ABCB5: variants seen among roughly 807,000 people sequenced by gnomAD.
The protein encoded by ABCB5 is ATP-binding cassette sub-family B member 5.
In ABCB5, 155 loss-of-function variants were observed where a neutral mutation model predicts 144.2. That is an observed-to-expected ratio of 1.08 (90% CI 0.94 to 1.23). The LOEUF is 1.23. Among genes scored for constraint, ABCB5 ranks in the 50% most tolerant of loss-of-function variants. The probability of loss-of-function intolerance (pLI) is 0.00; values close to 1 mark genes in which losing one functional copy is unlikely to be tolerated. For missense variants in ABCB5, 1,830 were observed against 1,520.8 expected (o/e 1.20, Z -3.38); for synonymous variants, 610 against 528.6 (o/e 1.15, Z -2.11).
At chr7:20,720,374 A>T (rs1468887747) in intron 20 of ABCB5, among the ~76,000 whole-genome samples, 2 of 152,246 alleles carry the variant, frequency 1.3e-5, no homozygotes, top group Non-Finnish European at 2.9e-5. Context: ...GCTTCAAGAC[A>T]TTTATTAATT....
chr7:20,706,025 G>A (rs937223730), intron 20 of ABCB5, among the ~76,000 whole-genome samples: 12 of 152,030 alleles, frequency 7.9e-5, no homozygotes, highest in Admixed American at 7.9e-4. Flanking sequence ...TGAAGGCAAG[G>A]TTCTAGAATT....
rs1005709897 is a variant in ABCB5, at chr7:20,628,687, G to A, written c.109-1G>A. 3.1e-6 allele frequency: 5 copies of A among 1,611,670 alleles called. No homozygotes were observed. The highest frequency in any genetic ancestry group is 4.2e-6 in the Non-Finnish European group (5 of 1,178,874). On this transcript the variant is annotated splice_acceptor_variant, in intron 3 of 27. Transcript: ENST00000404938. LOFTEE classifies it high-confidence loss of function. ...GTGCTACCGTGCTTTGTTTTCCTCA[G>A]TTCCGCTTTGCTGATGGACTGGACA...
chr7:20,687,585 T>C (rs1239284448), intron 16 of ABCB5, among the ~76,000 whole-genome samples: 1 of 152,140 alleles, frequency 6.6e-6, no homozygotes, highest in Admixed American at 6.5e-5. Flanking sequence ...TCCGTGAGCC[T>C]GGGGAAGCAG....
chr7:20,644,673 A>C (rs6957205), intron 7 of ABCB5, among the ~76,000 whole-genome samples: 46,982 of 152,158 alleles, frequency 0.31, 8,669 homozygotes, highest in African/African-American at 0.52. Context: ...TCTTCTAGAT[A>C]GGAGGCACAG....
intron 24 of ABCB5, among the ~76,000 whole-genome samples, chr7:20,740,931 G>A (rs867663992): frequency 3.0e-4 from 46 of 151,732 alleles, no homozygotes; most frequent in African/African-American, 1.1e-3. Context: ...ACATGGCAAA[G>A]CCCCATCGCT....
At chr7:20,679,061 A>G (rs1785700858) in intron 14 of ABCB5, among the ~76,000 whole-genome samples, 2 of 152,226 alleles carry the variant, frequency 1.3e-5, no homozygotes, top group African/African-American at 4.8e-5. Context: ...GTGACCTTGG[A>G]GTAAAGATTT....
intron 26 of ABCB5, among the ~76,000 whole-genome samples, chr7:20,746,106 C>CTT (rs112735410): frequency 8.2e-5 from 12 of 146,056 alleles, no homozygotes; most frequent in African/African-American, 3.0e-4. Flanking sequence ...CCTTAACTTT[C>CTT]TTTTTTTTTT....
At chr7:20,720,943 CAA>C (rs71020677) in intron 20 of ABCB5, among the ~76,000 whole-genome samples, 8,111 of 70,552 alleles carry the variant, frequency 0.11, 191 homozygotes, top group African/African-American at 0.24. Context: ...AACTCTGCCT[CAA>C]AAAAAAAAAA....
chr7:20,717,664 C>T (rs1249027540), intron 20 of ABCB5, among the ~76,000 whole-genome samples: 1 of 151,756 alleles, frequency 6.6e-6, no homozygotes, highest in African/African-American at 2.4e-5. Context: ...GTCTCAGACT[C>T]CTGACCTCAT....
rs536932163 is a variant in ABCB5 at position 20,708,385 on chromosome 7, TC to T, written c.2421+3581del. Among the ~76,000 whole-genome samples, 763 of 152,224 alleles carry T rather than the reference TC, an allele frequency of 5.0e-3. 4 individuals carry two copies. Among genetic ancestry groups the T allele is most frequent in the Non-Finnish European group, 6.9e-3 (472 of 67,998 alleles). On this transcript the variant is annotated intron_variant, in intron 20 of 27. Coordinates refer to ENST00000404938, the MANE Select transcript of ABCB5 (RefSeq NM_001163941.2). ...AAGGTGCAGTGGCTCACATCAGTAA[TC>T]CCAGTAATTCAGGAGGCCAAGGCAG...
At position 20,620,883 on chromosome 7, in the gene ABCB5, A is replaced by T. The variant is rs1583372237; in HGVS notation, c.-21-2382A>T. On this transcript the variant is annotated intron_variant, in intron 1 of 27. Coordinates refer to ENST00000404938, the MANE Select transcript of ABCB5 (RefSeq NM_001163941.2). The stretch of plus-strand genomic sequence containing the variant: ...ACTAACCGCTTGATCCAGCAATTCT[A>T]CATCTAAGTATATACCCAAAAGAAC... Among the ~76,000 whole-genome samples, 3 of 152,252 alleles carry T rather than the reference A, an allele frequency of 2.0e-5. No homozygotes were observed. The East Asian group carries it at 5.8e-4, about 29-fold the overall frequency.
At chr7:20,632,710 A>G (rs1368021305) in intron 5 of ABCB5, among the ~76,000 whole-genome samples, 1 of 152,186 alleles carries the variant, frequency 6.6e-6, no homozygotes, top group East Asian at 1.9e-4. Flanking sequence ...TGTCCTTTGT[A>G]GGGACATGGA....
At chr7:20,662,777 T>G (rs1785043320) in intron 14 of ABCB5, among the ~76,000 whole-genome samples, 2 of 151,610 alleles carry the variant, frequency 1.3e-5, no homozygotes, top group Admixed American at 1.3e-4. Context: ...GTAATGGTCC[T>G]TCTCCTTTGA....
intron 1 of ABCB5, among the ~76,000 whole-genome samples, chr7:20,616,187 C>T (rs1287824975): frequency 6.6e-6 from 1 of 152,210 alleles, no homozygotes; most frequent in Non-Finnish European, 1.5e-5. Flanking sequence ...AGGTGCCCAG[C>T]ACCATGCCCA....
At chr7:20,683,773 C>A (rs1785901946) in intron 15 of ABCB5, among the ~76,000 whole-genome samples, 1 of 152,152 alleles carries the variant, frequency 6.6e-6, no homozygotes, top group South Asian at 2.1e-4. Flanking sequence ...AATATCTACA[C>A]AAACACTTTT....
intron 22 of ABCB5, among the ~76,000 whole-genome samples, chr7:20,727,759 C>A (rs1782082480): frequency 6.6e-6 from 1 of 152,176 alleles, no homozygotes; most frequent in African/African-American, 2.4e-5. Flanking sequence ...TACATTAAAT[C>A]CCTAAAATAG....
intron 11 of ABCB5, 33 bp from the exon 12 acceptor site, chr7:20,649,989 G>A (rs1330783206): frequency 1.3e-6 from 2 of 1,587,500 alleles, no homozygotes; most frequent in Non-Finnish European, 1.7e-6. Flanking sequence ...TCTTATTGTG[G>A]TTTTATGATT....
rs763159309 is a variant in ABCB5, at chr7:20,658,614, G to C, written c.1645G>C (p.Asp549His). The C allele has an allele frequency of 1.2e-6, 2 of 1,614,082 alleles. No individual in the cohort carries two copies. Among genetic ancestry groups the C allele is most frequent in the East Asian group, 2.2e-5 (1 of 44,904 alleles). The stretch of plus-strand genomic sequence containing the variant: ...TCGAAACCCCAAGATTCTGATTTTA[G>C]ATGAGGCTACGTCTGCCCTGGATTC... ...LVRNPKILILDEATSALDSES... is the reference protein window; with the variant it reads ...LVRNPKILILHEATSALDSES... The change falls in exon 14 of 28, where the codon GAT (aspartate) becomes CAT (histidine). Residue 549 changes from aspartate to histidine, a missense_variant. Asp to His is a moderately conservative substitution (Grantham distance 81, BLOSUM62 -1). Transcript: ENST00000404938.
intron 11 of ABCB5, among the ~76,000 whole-genome samples, chr7:20,649,008 T>C (rs1434629348): frequency 6.6e-6 from 1 of 152,220 alleles, no homozygotes; most frequent in East Asian, 1.9e-4. Context: ...GCCATTATAT[T>C]GCATGGGAAA....
Sources: allele counts gnomAD v4.1 joint callset (sites outside exome capture counted in the v4.1 genomes callset), GRCh38; gene constraint gnomAD v4.1.1; transcripts MANE v1.5; gene names NCBI Gene and HGNC (gene_info 2026-07-23, HGNC 2026-07-21).